The following SVIL variants were observed in gnomAD, a reference collection of about 807,000 sequenced individuals.
SVIL encodes supervillin.
Under a neutral mutation model 240.4 loss-of-function variants are expected in SVIL, and 101 were observed. The ratio of observed to expected loss-of-function variants is 0.42; its 90% CI spans 0.36 to 0.50. The LOEUF is 0.50. Ranked by LOEUF, SVIL falls within the 20% of genes least tolerant of loss-of-function variation. The probability of loss-of-function intolerance (pLI) is 0.01; values close to 1 mark genes in which losing one functional copy is unlikely to be tolerated. For synonymous variants in SVIL, 999 were observed against 1,100.0 expected, an observed-to-expected ratio of 0.91 and a Z score of 1.82; for missense variants, 2,512 against 2,818.7, an observed-to-expected ratio of 0.89 and a Z score of 2.46.
chr10:29,574,712 C>T (rs561593722), intron 1 of SVIL, among the ~76,000 whole-genome samples: 2 of 152,320 alleles, frequency 1.3e-5, no homozygotes, highest in East Asian at 3.9e-4. Context: ...CACAAGAGAA[C>T]CGGGGCCACT....
At chr10:29,650,306 G>A (rs944041989) in intron 3 of SVIL, among the ~76,000 whole-genome samples, 33 of 152,136 alleles carry the variant, frequency 2.2e-4, no homozygotes, top group African/African-American at 7.2e-4. Flanking sequence ...GTAAAGAAGC[G>A]TGGGGAAAGA....
intron 14 of SVIL, 150 bp from the exon 15 acceptor site, chr10:29,524,177 T>C: frequency 3.1e-6 from 3 of 967,982 alleles, no homozygotes; most frequent in Non-Finnish European, 4.5e-6. Flanking sequence ...CATAGTTATA[T>C]AATACGTCTC....
intron 1 of SVIL, among the ~76,000 whole-genome samples, chr10:29,611,806 G>A (rs1218401584): frequency 1.3e-5 from 2 of 152,116 alleles, no homozygotes; most frequent in African/African-American, 4.8e-5. Flanking sequence ...CAAGGTGACT[G>A]GAGCCAACTG....
At chr10:29,707,154 G>C (rs745429066) in intron 1 of SVIL, among the ~76,000 whole-genome samples, 6 of 152,152 alleles carry the variant, frequency 3.9e-5, no homozygotes, top group Non-Finnish European at 5.9e-5. Flanking sequence ...AATTAAAGTA[G>C]TTTCTATCTA....
chr10:29,546,792 G>A (rs967958315), intron 6 of SVIL, among the ~76,000 whole-genome samples: 6 of 152,052 alleles, frequency 3.9e-5, no homozygotes, highest in East Asian at 1.9e-4. Context: ...TCTTGCTAGC[G>A]AGCACAGAAC....
At position 29,494,999 on chromosome 10, in the gene SVIL, A is replaced by G. The variant is rs745343248; in HGVS notation, c.3756T>C (p.Asp1252=). The G allele has an allele frequency of 5.1e-5, 82 of 1,613,316 alleles. No individual in the cohort carries two copies. In the Admixed American group the frequency reaches 6.7e-4, roughly 13 times the overall value. ...GTTPVSKPLE[D]IEARPDMQLE... is the part of the protein sequence containing the mutation. ...ACTGCATATCTGGTCTGGCTTCGAT[A>G]TCTAGGCAAGCAGAAACCGTCAGTG... The change falls in exon 20 of 38, where the codon GAT becomes GAC. Residue 1252 remains aspartate, a splice_region_variant and synonymous_variant. Transcript: ENST00000355867.
intron 1 of SVIL, among the ~76,000 whole-genome samples, chr10:29,692,338 C>T (rs537883486): frequency 2.0e-5 from 3 of 152,252 alleles, no homozygotes; most frequent in African/African-American, 7.2e-5. Context: ...CAGAACATTC[C>T]ACCCCGTATG....
chr10:29,499,068 G>T (rs114540768), intron 18 of SVIL, 48 bp downstream of exon 18: 2 of 1,598,844 alleles, frequency 1.3e-6, no homozygotes, highest in South Asian at 2.2e-5. Context: ...GTGTGCTCAC[G>T]TGTGTGCATT....
intron 18 of SVIL, among the ~76,000 whole-genome samples, chr10:29,496,100 G>A (rs1279628276): frequency 1.3e-5 from 2 of 152,094 alleles, no homozygotes; most frequent in Non-Finnish European, 2.9e-5. Flanking sequence ...ACTATCACAA[G>A]GAAAACCAAG....
chr10:29,606,559 G>A (rs1013079397), intron 1 of SVIL, among the ~76,000 whole-genome samples: 5 of 151,898 alleles, frequency 3.3e-5, no homozygotes, highest in African/African-American at 4.8e-5. Flanking sequence ...ACTTCAATAT[G>A]CATTTTAAAA....
intron 1 of SVIL, among the ~76,000 whole-genome samples, chr10:29,612,745 G>A (rs1437953709): frequency 2.0e-5 from 3 of 152,152 alleles, no homozygotes; most frequent in Non-Finnish European, 2.9e-5. Flanking sequence ...TTTAAAAAAC[G>A]TAGATCCTTA....
At chr10:29,499,678 A>G (rs925401536) in intron 17 of SVIL, among the ~76,000 whole-genome samples, 9 of 152,228 alleles carry the variant, frequency 5.9e-5, no homozygotes, top group Non-Finnish European at 1.0e-4. Flanking sequence ...AACATGATTG[A>G]TCTAGAAAAC....
intron 29 of SVIL, among the ~76,000 whole-genome samples, chr10:29,479,836 T>G (rs879340635): frequency 4.6e-5 from 7 of 152,222 alleles, no homozygotes; most frequent in Non-Finnish European, 1.0e-4. Flanking sequence ...GTGACCTGCA[T>G]GCTCTCCTAA....
chr10:29,591,040 A>G (rs1213560139), intron 1 of SVIL, among the ~76,000 whole-genome samples: 1 of 152,262 alleles, frequency 6.6e-6, no homozygotes, highest in East Asian at 1.9e-4. Flanking sequence ...TTTATGGAGC[A>G]CCCAAGAGGC....
chr10:29,495,846 T>C (rs1025711292), intron 18 of SVIL, among the ~76,000 whole-genome samples: 1 of 151,956 alleles, frequency 6.6e-6, no homozygotes, highest in Non-Finnish European at 1.5e-5. Context: ...AAGGGAGGAA[T>C]TCCTGCATGG....
rs1950781851 is a variant in SVIL, at chr10:29,524,725, A to C, written c.2343-10T>G. The C allele has an allele frequency of 6.2e-7, 1 of 1,612,854 alleles. No individual in the cohort carries two copies. ...AGCAGAGGCCTGCAATCTGAAAAAA[A>C]TAAAATGTCAGCAACACATATACCA... On this transcript the variant is annotated splice_polypyrimidine_tract_variant and intron_variant, in intron 13 of 37. Transcript: ENST00000355867.
At chr10:29,583,060 A>G (rs1956019647) in intron 1 of SVIL, among the ~76,000 whole-genome samples, 1 of 152,208 alleles carries the variant, frequency 6.6e-6, no homozygotes, top group African/African-American at 2.4e-5. Context: ...AAGTCCAGAT[A>G]GCAGACAAGC....
intron 11 of SVIL, among the ~76,000 whole-genome samples, chr10:29,530,268 G>A (rs1951263092): frequency 1.4e-5 from 2 of 147,684 alleles, no homozygotes; most frequent in African/African-American, 2.5e-5. Flanking sequence ...CTACAGGAGG[G>A]GTCACTAATG....
chr10:29,532,765 G>A lies in SVIL; in HGVS notation c.1602C>T (p.Asn534=), dbSNP rs774522550. ...VSQDAKPTGH[N]REASKKRKVR... is the part of the protein sequence containing the mutation. Reference sequence around the variant, plus strand: ...CCTTGCGCTTTTTCGAGGCTTCCCTGTTGTGACCAGTTGGTTTGGCGTCTT... The same window carrying A: ...CCTTGCGCTTTTTCGAGGCTTCCCTATTGTGACCAGTTGGTTTGGCGTCTT... Residue 534 remains asparagine (N), a synonymous_variant, in exon 8 of 38, where the codon AAC becomes AAT. Transcript: ENST00000355867. 6.2e-7 allele frequency: 1 copy of A among 1,614,166 alleles called. No individual in the cohort carries two copies. The highest frequency in any genetic ancestry group is 1.1e-5 in the South Asian group (1 of 91,074).
Sources: allele counts gnomAD v4.1 joint callset (sites outside exome capture counted in the v4.1 genomes callset), GRCh38; gene constraint gnomAD v4.1.1; transcripts MANE v1.5; gene names NCBI Gene and HGNC (gene_info 2026-07-23, HGNC 2026-07-21).